The following RANBP3 variants were observed in gnomAD, a reference collection of about 807,000 sequenced individuals.
The protein encoded by RANBP3 is ran-binding protein 3.
Under a neutral mutation model 77.3 loss-of-function variants are expected in RANBP3, and 14 were observed. That is an observed-to-expected ratio of 0.18 (90% CI 0.12 to 0.28). RANBP3 has a LOEUF of 0.28. Among genes scored for constraint, RANBP3 ranks in the 10% least tolerant of loss-of-function variants. The pLI, the probability that RANBP3 is intolerant of heterozygous loss-of-function variation, is 1.00. For synonymous variants in RANBP3, 315 were observed against 312.4 expected, an observed-to-expected ratio of 1.01 and a Z score of -0.09; for missense variants, 586 against 752.3, an observed-to-expected ratio of 0.78 and a Z score of 2.59.
intron 2 of RANBP3, among the ~76,000 whole-genome samples, chr19:5,954,478 G>C (rs1224802275): frequency 6.6e-6 from 1 of 152,178 alleles, no homozygotes; most frequent in African/African-American, 2.4e-5. Context: ...AGAATTTAGG[G>C]CAGAAATGTC....
At chr19:5,930,120 T>C (rs929181110) in intron 8 of RANBP3, among the ~76,000 whole-genome samples, 3 of 152,158 alleles carry the variant, frequency 2.0e-5, no homozygotes, top group Non-Finnish European at 2.9e-5. Context: ...CACTGGGAGA[T>C]GGCGGGACGG....
At chr19:5,975,054 A>T (rs1320721357) in intron 1 of RANBP3, among the ~76,000 whole-genome samples, 1 of 152,218 alleles carries the variant, frequency 6.6e-6, no homozygotes, top group Non-Finnish European at 1.5e-5. Context: ...CAAACACGTG[A>T]CCATGGGGCA....
chr19:5,931,287 G>A (rs2057986565), intron 8 of RANBP3, 117 bp downstream of exon 8: 3 of 1,264,316 alleles, frequency 2.4e-6, no homozygotes, highest in South Asian at 1.8e-5. Flanking sequence ...ATAGGCCCAC[G>A]TGGAAACTGC....
At chr19:5,920,574 G>C (rs1266163593) in intron 14 of RANBP3, among the ~76,000 whole-genome samples, 3 of 152,026 alleles carry the variant, frequency 2.0e-5, no homozygotes, top group Non-Finnish European at 2.9e-5. Flanking sequence ...TTGAGATGGA[G>C]TCTTGGTCTG....
chr19:5,964,867 C>T (rs1252532215), intron 1 of RANBP3, among the ~76,000 whole-genome samples: 2 of 42,418 alleles, frequency 4.7e-5, no homozygotes, highest in East Asian at 7.1e-4. Flanking sequence ...GGGGGGGTGG[C>T]ACGGTGGGGG....
chr19:5,917,213 G>C lies in RANBP3; in HGVS notation c.*397C>G. The C allele has an allele frequency of 3.2e-6, 1 of 309,214 alleles. No individual in the cohort carries two copies. Among genetic ancestry groups the C allele is most frequent in the Non-Finnish European group, 6.3e-6 (1 of 159,562 alleles). 19.2% of individuals were successfully genotyped at this position (309,214 alleles called of 1,614,324 possible). ...GCTGGCTGCTCCCCACAAAGGCAGGGCCCCACAGCAGGGTGGGAAGGGTGT... is the reference window on the plus strand; with the variant it reads ...GCTGGCTGCTCCCCACAAAGGCAGGCCCCCACAGCAGGGTGGGAAGGGTGT... On this transcript the variant is annotated 3_prime_UTR_variant, in exon 17 of 17. Transcript: ENST00000340578.
chr19:5,957,319 A>G (rs2058346319), intron 2 of RANBP3, among the ~76,000 whole-genome samples: 1 of 152,164 alleles, frequency 6.6e-6, no homozygotes, highest in Admixed American at 6.5e-5. Flanking sequence ...CTGCCAGCTC[A>G]TCGCCATGAA....
intron 9 of RANBP3, 62 bp downstream of exon 9, chr19:5,927,906 G>T: frequency 6.5e-7 from 1 of 1,550,304 alleles, no homozygotes; most frequent in Non-Finnish European, 8.7e-7. Flanking sequence ...CTACCTACTT[G>T]CCTGCTGTTG....
intron 15 of RANBP3, 124 bp from the exon 16 acceptor site, chr19:5,918,104 C>A: frequency 8.8e-7 from 1 of 1,137,412 alleles, no homozygotes; most frequent in South Asian, 1.6e-5. Context: ...TGTGGGGAGG[C>A]CATTGGCCCT....
chr19:5,941,516 G>C (rs530046163), intron 5 of RANBP3, 105 bp downstream of exon 5: 3 of 1,032,572 alleles, frequency 2.9e-6, no homozygotes, highest in Middle Eastern at 3.2e-4. Context: ...GACTCTAACC[G>C]GAGCTGGGCA....
At position 5,975,583 on chromosome 19, in the gene RANBP3, A is replaced by C. The variant is rs1162496552; in HGVS notation, c.22+2478T>G. On this transcript the variant is annotated intron_variant, in intron 1 of 16. Coordinates refer to ENST00000340578, the MANE Select transcript of RANBP3 (RefSeq NM_007322.3). ...GGCACCGTTCTAGATGCAAGGGGGCAATCAGTGATCATAACATAAAAATCC... is the reference window on the plus strand; with the variant it reads ...GGCACCGTTCTAGATGCAAGGGGGCCATCAGTGATCATAACATAAAAATCC... 4.0e-5 allele frequency among the ~76,000 whole-genome samples: 6 copies of C among 150,366 alleles called. No homozygotes were observed. In the East Asian group the frequency reaches 9.7e-4, roughly 24 times the overall value.
rs1194484450 is a variant in RANBP3, at chr19:5,921,159, C to T, written c.1330+42G>A. The T allele has an allele frequency of 1.1e-5, 17 of 1,591,962 alleles. No individual in the cohort carries two copies. Among genetic ancestry groups the T allele is most frequent in the Admixed American group, 1.7e-5 (1 of 58,986 alleles). On this transcript the variant is annotated intron_variant, in intron 14 of 16. Transcript: ENST00000340578. The surrounding 1 kb of genome is among the most constrained non-coding windows in gnomAD (Gnocchi z 5.3). ...TGGAATTGCATAGTCCCCAGCCCTC[C>T]CCATGGGGACCCGGCCACAGCCCCC... is the stretch of plus-strand genomic sequence containing the variant.
intron 1 of RANBP3, among the ~76,000 whole-genome samples, chr19:5,970,825 C>A (rs2145276602): frequency 6.6e-6 from 1 of 152,306 alleles, no homozygotes; most frequent in African/African-American, 2.4e-5. Flanking sequence ...TATCATCGTT[C>A]CCATTTTACA....
rs1445510134 is a variant in RANBP3, at chr19:5,952,768, A to AG, written c.79-1173_79-1172insC. Among the ~76,000 whole-genome samples the AG allele has an allele frequency of 1.3e-5, 2 of 152,204 alleles. No individual in the cohort carries two copies. Among genetic ancestry groups the AG allele is most frequent in the African/African-American group, 4.8e-5 (2 of 41,446 alleles). On this transcript the variant is annotated intron_variant, in intron 2 of 16. Transcript: ENST00000340578. This position sits in a 1 kb window ranked among gnomAD's most constrained non-coding sequence, Gnocchi z 4.1. ...AGAGAATGTACACAAATTCCTAGGA[A>AG]AGCAAAAGCAATCTTCACTCAAAAG...
intron 5 of RANBP3, chr19:5,935,961 C>A: frequency 2.8e-6 from 1 of 353,498 alleles, no homozygotes; most frequent in Non-Finnish European, 5.9e-6. Context: ...GCGCATCACT[C>A]CAGAGAGGAA....
At position 5,923,840 on chromosome 19, in the gene RANBP3, G is replaced by T. The variant is rs762874766; in HGVS notation, c.1071C>A (p.Ser357=). The part of the protein sequence containing the change: ...ENAAAESGSE[S]SSQEATPEKE... ...TCTCAGGGGTGGCCTCCTGGGACGA[G>T]GACTCAGACCCTGACTCGGCAGCTG... is the stretch of plus-strand genomic sequence containing the variant. The change falls in exon 12 of 17, where the codon TCC becomes TCA. Residue 357 remains serine (S), a synonymous_variant. Transcript: ENST00000340578. 1 of 1,614,098 alleles carries T rather than the reference G, an allele frequency of 6.2e-7. No individual in the cohort carries two copies. The highest frequency in any genetic ancestry group is 2.2e-5 in the East Asian group (1 of 44,886).
chr19:5,936,208 G>A (rs1158943645), intron 5 of RANBP3, among the ~76,000 whole-genome samples: 2 of 152,380 alleles, frequency 1.3e-5, no homozygotes, highest in South Asian at 2.1e-4. Context: ...CTGGTGCAGG[G>A]TGGGGAGGAG....
intron 1 of RANBP3, among the ~76,000 whole-genome samples, chr19:5,971,339 T>C (rs966708704): frequency 2.7e-4 from 40 of 150,842 alleles, no homozygotes; most frequent in African/African-American, 9.3e-4. Flanking sequence ...TTCTCTCTCT[T>C]TTTTTTTTAT....
At chr19:5,968,643 A>G (rs1472094912) in intron 1 of RANBP3, among the ~76,000 whole-genome samples, 2 of 152,230 alleles carry the variant, frequency 1.3e-5, no homozygotes, top group African/African-American at 4.8e-5. Context: ...TGGATCCAAG[A>G]GCTGCCTGGA....
Sources: allele counts gnomAD v4.1 joint callset (sites outside exome capture counted in the v4.1 genomes callset), GRCh38; gene constraint gnomAD v4.1.1; non-coding constraint Gnocchi (gnomAD v3.1); transcripts MANE v1.5; gene names NCBI Gene and HGNC (gene_info 2026-07-23, HGNC 2026-07-21).